CEMIP2: variants seen among roughly 807,000 people sequenced by gnomAD.
CEMIP2 encodes cell migration inducing hyaluronidase 2.
In CEMIP2, 79 loss-of-function variants were observed where a neutral mutation model predicts 146.9. The ratio of observed to expected loss-of-function variants is 0.54; its 90% CI spans 0.45 to 0.65. CEMIP2 has a LOEUF of 0.65. Ranked by LOEUF, CEMIP2 falls within the 30% of genes least tolerant of loss-of-function variation. The probability of loss-of-function intolerance (pLI) is 0.00; values close to 1 mark genes in which losing one functional copy is unlikely to be tolerated. For missense variants in CEMIP2, 1,596 were observed against 1,696.2 expected (o/e 0.94, Z 1.04); for synonymous variants, 601 against 606.3 (o/e 0.99, Z 0.13).
chr9:71,761,265 A>G (rs1053328924), intron 1 of CEMIP2, among the ~76,000 whole-genome samples: 1 of 152,260 alleles, frequency 6.6e-6, no homozygotes, highest in African/African-American at 2.4e-5. Context: ...CTTCTCAGGA[A>G]GAAAAAACCA....
chr9:71,713,620 T>C (rs539750953), intron 15 of CEMIP2, among the ~76,000 whole-genome samples: 29 of 152,248 alleles, frequency 1.9e-4, no homozygotes, highest in African/African-American at 7.0e-4. Context: ...CAATATAAAA[T>C]ACAGAGTGAA....
chr9:71,729,772 A>T (rs889681151), intron 10 of CEMIP2, 73 bp downstream of exon 10: 32 of 1,476,664 alleles, frequency 2.2e-5, no homozygotes, highest in Middle Eastern at 1.7e-4. Flanking sequence ...CATGACATTA[A>T]ATCCAAATAA....
At chr9:71,704,864 A>T in intron 17 of CEMIP2, 61 bp from the exon 18 acceptor site, 1 of 1,496,708 alleles carries the variant, frequency 6.7e-7, no homozygotes, top group Non-Finnish European at 9.3e-7. Flanking sequence ...CTAAAAAGAC[A>T]TTTTCAGCAC....
intron 11 of CEMIP2, among the ~76,000 whole-genome samples, chr9:71,724,725 A>G (rs761935451): frequency 4.6e-5 from 7 of 152,194 alleles, no homozygotes; most frequent in Non-Finnish European, 1.0e-4. Flanking sequence ...CTTGATCTGT[A>G]TCATTTTAAA....
chr9:71,719,104 A>G (rs1297373590), intron 12 of CEMIP2, among the ~76,000 whole-genome samples: 1 of 152,090 alleles, frequency 6.6e-6, no homozygotes, highest in Non-Finnish European at 1.5e-5. Flanking sequence ...TTTTTTTTTA[A>G]TCATTTCTGT....
At chr9:71,737,170 A>AAAAAAG (rs1823785139) in intron 5 of CEMIP2, among the ~76,000 whole-genome samples, 1 of 132,024 alleles carries the variant, frequency 7.6e-6, no homozygotes, top group Non-Finnish European at 1.7e-5. Context: ...AAAAAAAAAA[A>AAAAAAG]AAAGAAAGAA....
At chr9:71,737,877 A>G (rs1202506251) in intron 5 of CEMIP2, among the ~76,000 whole-genome samples, 4 of 152,216 alleles carry the variant, frequency 2.6e-5, no homozygotes, top group Non-Finnish European at 5.9e-5. Flanking sequence ...AATTCTAACA[A>G]CAATAATGAT....
chr9:71,719,894 G>A (rs1823184573), intron 12 of CEMIP2, among the ~76,000 whole-genome samples: 1 of 143,842 alleles, frequency 7.0e-6, no homozygotes, highest in South Asian at 2.2e-4. Flanking sequence ...ATTCTCTGCT[G>A]TAACCATCTC....
At chr9:71,715,648 AC>A (rs1823034613) in intron 14 of CEMIP2, among the ~76,000 whole-genome samples, 31 of 134,140 alleles carry the variant, frequency 2.3e-4, no homozygotes, top group Non-Finnish European at 3.5e-4. Flanking sequence ...ATATATATAT[AC>A]TTTTTTTTTT....
intron 17 of CEMIP2, among the ~76,000 whole-genome samples, chr9:71,708,772 A>G (rs957973704): frequency 2.6e-5 from 4 of 152,108 alleles, no homozygotes; most frequent in East Asian, 3.9e-4. Context: ...TTTCTTGTCC[A>G]CTCACTCCTA....
In CEMIP2 at chr9:71,690,202, G is replaced by C; in HGVS notation, c.3741C>G (p.Leu1247=). 1 of 1,614,138 alleles carries C rather than the reference G, an allele frequency of 6.2e-7. No individual in the cohort carries two copies. The highest frequency in any genetic ancestry group is 8.5e-7 in the Non-Finnish European group (1 of 1,179,982). The change falls in exon 22 of 24, where the codon CTC becomes CTG. Residue 1247 remains leucine, a synonymous_variant. Coordinates refer to ENST00000377044, the MANE Select transcript of CEMIP2 (RefSeq NM_013390.3). ...GAACGCTGCACGGATCCACAACAAG[G>C]AGGAGGACGCCTGCACTTCGGAAGG... is the stretch of plus-strand genomic sequence containing the variant. The part of the protein sequence containing the change: ...DFTFRSAGVL[L]LVVDPCSVPF...
intron 15 of CEMIP2, among the ~76,000 whole-genome samples, chr9:71,713,197 G>A (rs1392404370): frequency 6.6e-6 from 1 of 152,098 alleles, no homozygotes; most frequent in Non-Finnish European, 1.5e-5. Flanking sequence ...GGGACCCAGC[G>A]GGAGATGACT....
chr9:71,689,223 A>G (rs1357617672), intron 22 of CEMIP2, among the ~76,000 whole-genome samples: 1 of 152,210 alleles, frequency 6.6e-6, no homozygotes, highest in East Asian at 1.9e-4. Context: ...GTTACATCCA[A>G]ATAATCCAGT....
upstream of CEMIP2, chr9:71,768,665 G>C (rs900231079): frequency 6.6e-6 from 1 of 151,992 alleles, no homozygotes; most frequent in African/African-American, 2.4e-5. Context: ...GCCGCCGCTC[G>C]GCTTTCTCCG....
intron 20 of CEMIP2, among the ~76,000 whole-genome samples, chr9:71,696,453 A>AAT (rs1822406326): frequency 2.5e-5 from 3 of 118,230 alleles, no homozygotes; most frequent in Admixed American, 2.5e-4. Context: ...AGAGACTAAG[A>AAT]CTGATAGTAG....
intron 10 of CEMIP2, among the ~76,000 whole-genome samples, chr9:71,728,836 T>C (rs192891823): frequency 1.3e-5 from 2 of 151,494 alleles, no homozygotes; most frequent in Non-Finnish European, 2.9e-5. Flanking sequence ...TGTGTGTGTG[T>C]GTGTGTTTTT....
intron 19 of CEMIP2, chr9:71,699,424 C>T (rs1305792712): frequency 2.2e-6 from 1 of 445,566 alleles, no homozygotes; most frequent in Non-Finnish European, 4.5e-6. Context: ...GCACTCCAGC[C>T]TGGGCAACAT....
In CEMIP2 at chr9:71,729,913, C is replaced by T; in HGVS notation, c.1981G>A (p.Ala661Thr). 1 of 1,614,128 alleles carries T rather than the reference C, an allele frequency of 6.2e-7. No individual in the cohort carries two copies. Among genetic ancestry groups the T allele is most frequent in the South Asian group, 1.1e-5 (1 of 91,088 alleles). ...YIPVPATDCM[A>T]VSTFWIAHPN... ...TGAGCAATCCAGAAAGTTGAAACAG[C>T]CCTGCAAGGCATTTTTCAAGGTGAT... is the stretch of plus-strand genomic sequence containing the variant. The change falls in exon 10 of 24, where the codon GCT becomes ACT. Residue 661 changes from alanine to threonine, a missense_variant and splice_region_variant. By Grantham distance (58) the Ala-to-Thr change is moderately conservative. Coordinates refer to ENST00000377044, the MANE Select transcript of CEMIP2 (RefSeq NM_013390.3).
At chr9:71,693,861 G>A (rs73477413) in intron 21 of CEMIP2, among the ~76,000 whole-genome samples, 15,586 of 152,206 alleles carry the variant, frequency 0.1, 1,465 homozygotes, top group African/African-American at 0.25. Flanking sequence ...CAAGGTAACA[G>A]TATTAGCAGG....
Sources: gnomAD v4.1 joint callset for allele counts (sites outside exome capture counted in the v4.1 genomes callset) on GRCh38, gnomAD v4.1.1 for gene constraint, MANE v1.5 for transcripts, NCBI Gene and HGNC (gene_info 2026-07-23, HGNC 2026-07-21) for gene names.